TBC1D22A: variants seen among roughly 807,000 people sequenced by gnomAD.
The protein encoded by TBC1D22A is putative GTPase activator.
TBC1D22A carries 38 observed loss-of-function variants against 60.2 expected under a neutral mutation model. The observed-to-expected ratio is 0.63, with a 90% CI of 0.49 to 0.83. The LOEUF (loss-of-function observed/expected upper bound fraction) is 0.83. Among genes scored for constraint, TBC1D22A ranks in the 40% least tolerant of loss-of-function variants. TBC1D22A has a pLI of 0.00. For missense variants in TBC1D22A, 628 were observed against 701.0 expected (o/e 0.90, Z 1.18); for synonymous variants, 302 against 281.7 (o/e 1.07, Z -0.72).
chr22:46,920,232 A>G (rs1229391805), intron 8 of TBC1D22A, among the ~76,000 whole-genome samples: 1 of 152,134 alleles, frequency 6.6e-6, no homozygotes, highest in Non-Finnish European at 1.5e-5. Flanking sequence ...GGCATGCACC[A>G]CCACGCCTGA....
At chr22:46,823,882 C>T (rs1047289281) in intron 4 of TBC1D22A, among the ~76,000 whole-genome samples, 3 of 152,136 alleles carry the variant, frequency 2.0e-5, no homozygotes, top group African/African-American at 4.8e-5. Flanking sequence ...TGACCCCATC[C>T]GCACACAAGT....
chr22:46,976,127 T>C (rs1261767182), intron 9 of TBC1D22A, among the ~76,000 whole-genome samples: 3 of 152,170 alleles, frequency 2.0e-5, no homozygotes, highest in Non-Finnish European at 4.4e-5. Flanking sequence ...TGATGGTGAG[T>C]GATGGGACTT....
chr22:47,127,549 C>T (rs944390847), intron 12 of TBC1D22A, among the ~76,000 whole-genome samples: 6 of 152,046 alleles, frequency 3.9e-5, no homozygotes, highest in African/African-American at 1.4e-4. Flanking sequence ...TGACGTGGGC[C>T]TCCTAGGCTT....
intron 9 of TBC1D22A, among the ~76,000 whole-genome samples, chr22:46,984,422 G>A (rs2074643020): frequency 7.2e-6 from 1 of 138,334 alleles, no homozygotes; most frequent in Non-Finnish European, 1.6e-5. Flanking sequence ...GTTCCAGGCT[G>A]GATGAGGCCC....
intron 11 of TBC1D22A, among the ~76,000 whole-genome samples, chr22:47,063,569 G>A (rs887491622): frequency 2.6e-5 from 4 of 152,162 alleles, no homozygotes; most frequent in Non-Finnish European, 5.9e-5. Flanking sequence ...GGAGCACTGT[G>A]TTGAGGGTGA....
At chr22:47,113,430 T>G (rs185848075) in intron 12 of TBC1D22A, among the ~76,000 whole-genome samples, 394 of 151,722 alleles carry the variant, frequency 2.6e-3, no homozygotes, top group African/African-American at 9.3e-3. Context: ...GGAGGTGGGG[T>G]GGGAGAGGAC....
chr22:46,792,878 C>T (rs2084479629), intron 2 of TBC1D22A: 4 of 1,428,874 alleles, frequency 2.8e-6, no homozygotes, highest in Non-Finnish European at 2.7e-6. Context: ...GCCATCCATG[C>T]TGGCTTGTCC....
chr22:47,104,952 A>G (rs2065576507), intron 11 of TBC1D22A, among the ~76,000 whole-genome samples: 1 of 151,764 alleles, frequency 6.6e-6, no homozygotes, highest in South Asian at 2.1e-4. Context: ...TTCTGGACCA[A>G]ACCAGTGTAT....
chr22:47,096,245 C>T (rs540776594), intron 11 of TBC1D22A, among the ~76,000 whole-genome samples: 27 of 152,262 alleles, frequency 1.8e-4, no homozygotes, highest in Admixed American at 1.0e-3. Flanking sequence ...TCTGTGGTTT[C>T]GCCTAAACTT....
chr22:46,766,913 C>G (rs1427835731), intron 1 of TBC1D22A, among the ~76,000 whole-genome samples: 3 of 152,168 alleles, frequency 2.0e-5, no homozygotes, highest in South Asian at 2.1e-4. Flanking sequence ...GTGCCTCTGG[C>G]TTCCTGTTCT....
At chr22:46,967,585 C>T (rs2073862598) in intron 8 of TBC1D22A, among the ~76,000 whole-genome samples, 1 of 152,200 alleles carries the variant, frequency 6.6e-6, no homozygotes, top group Non-Finnish European at 1.5e-5. Flanking sequence ...CTGGCTCTTA[C>T]CGACAGCGTT....
chr22:47,173,467 C>T (rs765695643), intron 12 of TBC1D22A, 31 bp from the exon 13 acceptor site: 3 of 1,612,242 alleles, frequency 1.9e-6, no homozygotes, highest in Admixed American at 3.3e-5. Context: ...GGGTCACCTC[C>T]TCTGACCTGG....
chr22:47,058,724 C>T (rs895143039), intron 11 of TBC1D22A, among the ~76,000 whole-genome samples: 3 of 152,138 alleles, frequency 2.0e-5, no homozygotes, highest in African/African-American at 4.8e-5. Flanking sequence ...CCACCAGGCT[C>T]GCTGAGGCCC....
In TBC1D22A at chr22:46,797,487, C is replaced by T. The variant is rs1273825137; in HGVS notation, c.504C>T (p.Leu168=). Residue 168 remains leucine, a synonymous_variant, in exon 4 of 13, where the codon CTC becomes CTT. Coordinates refer to ENST00000337137, the MANE Select transcript of TBC1D22A (RefSeq NM_014346.5). ...CCCCTCTGCAGAGGTCCCAGTCTCT[C>T]CCACACTCGGCCACCGTCACGCTGG... The part of the protein sequence containing the change: ...DAAPLQRSQS[L]PHSATVTLGG... The T allele has an allele frequency of 5.0e-6, 8 of 1,613,710 alleles. No homozygotes were observed. The East Asian group carries it at 1.1e-4, about 22-fold the overall frequency.
chr22:47,101,685 C>T (rs1479430299), intron 11 of TBC1D22A, among the ~76,000 whole-genome samples: 1 of 152,210 alleles, frequency 6.6e-6, no homozygotes, highest in Non-Finnish European at 1.5e-5. Flanking sequence ...CCAGCAGGAA[C>T]AGGCCCAGCA....
chr22:46,865,449 A>G (rs1350596399), intron 4 of TBC1D22A, among the ~76,000 whole-genome samples: 2 of 152,260 alleles, frequency 1.3e-5, no homozygotes, highest in African/African-American at 2.4e-5. Flanking sequence ...TCCATAATCC[A>G]AAAATCTAAA....
chr22:46,847,954 TGCGCGC>T (rs137955823), intron 4 of TBC1D22A, among the ~76,000 whole-genome samples: 4 of 53,866 alleles, frequency 7.4e-5, no homozygotes, highest in Non-Finnish European at 1.5e-4. Context: ...TGTGTGTGTG[TGCGCGC>T]GCGCACGCGC....
Position 46,970,741 on chromosome 22 carries a change from A to C in TBC1D22A, c.1016-3549A>C, listed in dbSNP as rs960108320. ...ATCTCCGAGTCTTGATTCAGAGACC[A>C]TTCTCTCCCCACAGTGGACTCTGGT... On this transcript the variant is annotated intron_variant, in intron 8 of 12. Coordinates refer to ENST00000337137, the MANE Select transcript of TBC1D22A (RefSeq NM_014346.5). 2.0e-5 allele frequency among the ~76,000 whole-genome samples: 3 copies of C among 152,316 alleles called. No individual in the cohort carries two copies. The South Asian group carries it at 6.2e-4, about 32-fold the overall frequency.
chr22:46,963,248 C>T (rs970901244), intron 8 of TBC1D22A, among the ~76,000 whole-genome samples: 1 of 101,498 alleles, frequency 9.9e-6, no homozygotes, highest in South Asian at 2.7e-4. Flanking sequence ...AAATCAGTGC[C>T]TGATCACCTT....
Sources: allele counts gnomAD v4.1 joint callset (sites outside exome capture counted in the v4.1 genomes callset), GRCh38; gene constraint gnomAD v4.1.1; transcripts MANE v1.5; gene names NCBI Gene and HGNC (gene_info 2026-07-23, HGNC 2026-07-21).